TENM2: variants seen among roughly 807,000 people sequenced by gnomAD.
TENM2 encodes the protein teneurin-2.
TENM2 carries 52 observed loss-of-function variants against 245.2 expected under a neutral mutation model. That is an observed-to-expected ratio of 0.21 (90% CI 0.17 to 0.27). The LOEUF is 0.27. TENM2 is among the 10% of genes least tolerant of loss of function. TENM2 has a pLI of 1.00. For synonymous variants in TENM2, 1,363 were observed against 1,438.9 expected (o/e 0.95, Z 1.19); for missense variants, 3,046 against 3,666.8 (o/e 0.83, Z 4.37).
intron 2 of TENM2, among the ~76,000 whole-genome samples, chr5:167,499,353 G>A (rs1769022788): frequency 6.6e-6 from 1 of 152,258 alleles, no homozygotes; most frequent in South Asian, 2.1e-4. Context: ...CACTAGGCAG[G>A]CTATAGCACC....
the TENM2 span, among the ~76,000 whole-genome samples, chr5:167,149,716 A>G: frequency 5.3e-5 from 8 of 152,156 alleles, no homozygotes; most frequent in African/African-American, 1.2e-4. Flanking sequence ...ACTCAACTCA[A>G]TCAATTCCTC....
intron 1 of TENM2, chr5:167,309,666 A>AT (rs1450157546): frequency 1.3e-5 from 2 of 152,176 alleles, no homozygotes. Flanking sequence ...CTTGTCAAAA[A>AT]ACACTTAAGG....
chr5:168,246,293 T>G (rs1356341713), intron 26 of TENM2, among the ~76,000 whole-genome samples: 4 of 152,144 alleles, frequency 2.6e-5, no homozygotes, highest in Non-Finnish European at 5.9e-5. Flanking sequence ...TCAGGGTATG[T>G]GTTTCACACA....
intron 6 of TENM2, among the ~76,000 whole-genome samples, chr5:168,059,241 C>T (rs1435082806): frequency 6.6e-6 from 1 of 152,202 alleles, no homozygotes; most frequent in Non-Finnish European, 1.5e-5. Context: ...TTCTCCAGAA[C>T]AGCTGCTCCC....
chr5:167,922,189 G>C (rs1017790677), intron 3 of TENM2, among the ~76,000 whole-genome samples: 2 of 152,132 alleles, frequency 1.3e-5, no homozygotes, highest in African/African-American at 4.8e-5. Flanking sequence ...AGTCATCCTT[G>C]GTTCTTCCTT....
intron 2 of TENM2, among the ~76,000 whole-genome samples, chr5:167,390,322 T>C (rs781669834): frequency 2.0e-5 from 3 of 152,194 alleles, no homozygotes; most frequent in Non-Finnish European, 4.4e-5. Context: ...TGCAGGACTT[T>C]ATATCAGATT....
rs146483522 is a variant in TENM2 at position 167,535,970 on chromosome 5, T to C, written c.502+160497T>C. 1.8e-3 allele frequency among the ~76,000 whole-genome samples: 275 copies of C among 152,170 alleles called. 1 individual carries two copies. Among genetic ancestry groups the C allele is most frequent in the African/African-American group, 6.5e-3 (268 of 41,522 alleles). On this transcript the variant is annotated intron_variant, in intron 2 of 28. Coordinates refer to ENST00000518659, the Ensembl canonical transcript of TENM2. ...AGAGGCACTGAAATCTAGCTTAGGATCCCTTTGCCAAGCAGTCTACATGGT... is the reference window on the plus strand; with the variant it reads ...AGAGGCACTGAAATCTAGCTTAGGACCCCTTTGCCAAGCAGTCTACATGGT...
At chr5:167,366,005 AAG>A (rs1486937373) in intron 1 of TENM2, among the ~76,000 whole-genome samples, 4 of 152,022 alleles carry the variant, frequency 2.6e-5, no homozygotes, top group East Asian at 3.9e-4. Context: ...AACTTAAAGA[AAG>A]AAATAATTTG....
intron 2 of TENM2, among the ~76,000 whole-genome samples, chr5:167,557,712 C>T (rs1773342333): frequency 6.6e-6 from 1 of 151,960 alleles, no homozygotes; most frequent in African/African-American, 2.4e-5. Context: ...TAGACAATCT[C>T]TAGAGACATT....
intron 1 of TENM2, among the ~76,000 whole-genome samples, chr5:167,337,380 A>C (rs999782671): frequency 2.0e-5 from 3 of 152,126 alleles, no homozygotes; most frequent in African/African-American, 7.2e-5. Flanking sequence ...TGACATATTC[A>C]CCCGTTCATT....
At chr5:167,093,676 G>A in the TENM2 span, among the ~76,000 whole-genome samples, 2 of 152,184 alleles carry the variant, frequency 1.3e-5, no homozygotes, top group Non-Finnish European at 2.9e-5. Flanking sequence ...AACTGCACAA[G>A]TCTTGGACTT....
At chr5:167,901,409 A>G (rs1326958716) in intron 3 of TENM2, among the ~76,000 whole-genome samples, 1 of 152,220 alleles carries the variant, frequency 6.6e-6, no homozygotes, top group Non-Finnish European at 1.5e-5. Flanking sequence ...AGGCTGAGCT[A>G]TTACCTAAGG....
chr5:168,196,301 A>C (rs1030401921), intron 15 of TENM2, among the ~76,000 whole-genome samples: 2 of 152,230 alleles, frequency 1.3e-5, no homozygotes, highest in Non-Finnish European at 2.9e-5. Flanking sequence ...AAGGAGTCTA[A>C]GGATTCATAT....
At position 167,753,214 on chromosome 5, in the gene TENM2, G is replaced by T. The variant is rs115054424; in HGVS notation, c.503-122772G>T. On this transcript the variant is annotated intron_variant, in intron 2 of 28. Transcript: ENST00000518659. ...GTAAGGATGAAGAAAAACCCAGGAA[G>T]ACTGCTATATACGGAAAAGTTGCTA... 2.1e-3 allele frequency among the ~76,000 whole-genome samples: 323 copies of T among 152,302 alleles called. 1 individual carries two copies. The highest frequency in any genetic ancestry group is 3.7e-3 in the Non-Finnish European group (250 of 68,022).
chr5:167,507,867 G>A (rs1401860303), intron 2 of TENM2, among the ~76,000 whole-genome samples: 2 of 151,546 alleles, frequency 1.3e-5, no homozygotes, highest in Non-Finnish European at 2.9e-5. Flanking sequence ...AATCCATAGA[G>A]GTTCTTTCTC....
At chr5:167,594,892 G>T (rs1776100304) in intron 2 of TENM2, among the ~76,000 whole-genome samples, 1 of 152,178 alleles carries the variant, frequency 6.6e-6, no homozygotes, top group Non-Finnish European at 1.5e-5. Flanking sequence ...CACAGATTAG[G>T]AAGTGAAAGG....
intron 2 of TENM2, among the ~76,000 whole-genome samples, chr5:167,470,453 G>GTTTTTTTTTTTTTTTTTTTTTTTTT (rs1766938434): frequency 9.2e-5 from 1 of 10,816 alleles, no homozygotes; most frequent in African/African-American, 3.5e-4. Context: ...GGCAATGCTT[G>GTTTTTTTTTTTTTTTTTTTTTTTTT]CTTTTTTTTT....
chr5:167,859,320 C>T (rs1400965290), intron 2 of TENM2, among the ~76,000 whole-genome samples: 3 of 145,286 alleles, frequency 2.1e-5, no homozygotes, highest in Non-Finnish European at 3.1e-5. Flanking sequence ...CCGGCAGCCA[C>T]CCCATCTGGG....
At chr5:168,062,605 G>A (rs1790143924) in intron 7 of TENM2, among the ~76,000 whole-genome samples, 2 of 152,138 alleles carry the variant, frequency 1.3e-5, no homozygotes, top group South Asian at 4.1e-4. Context: ...CCTTATTTAT[G>A]ATAGCCAAAC....
Sources: allele counts gnomAD v4.1 joint callset (sites outside exome capture counted in the v4.1 genomes callset), GRCh38; gene constraint gnomAD v4.1.1; transcripts MANE v1.5; gene names NCBI Gene and HGNC (gene_info 2026-07-23, HGNC 2026-07-21).